Variants in TEX9 observed in about 807,000 individuals in gnomAD.
TEX9 encodes the protein testis expressed 9, also known as testis-expressed protein 9.
TEX9 carries 74 observed loss-of-function variants against 59.6 expected under a neutral mutation model. That is an observed-to-expected ratio of 1.24 (90% CI 1.03 to 1.51). The LOEUF (loss-of-function observed/expected upper bound fraction) is 1.51. Among genes scored for constraint, TEX9 ranks in the 40% most tolerant of loss-of-function variants. The pLI is 0.00. For synonymous variants in TEX9, 186 were observed against 152.2 expected, an observed-to-expected ratio of 1.22 and a Z score of -1.64; for missense variants, 522 against 447.8, an observed-to-expected ratio of 1.17 and a Z score of -1.49.
At chr15:56,366,476 C>T (rs1300642438) in intron 2 of TEX9, among the ~76,000 whole-genome samples, 2 of 152,154 alleles carry the variant, frequency 1.3e-5, no homozygotes, top group African/African-American at 4.8e-5. Context: ...TGTGAGTGGC[C>T]TTCCTTGACC....
At chr15:56,264,708 A>T (rs1223579802) in intron 1 of TEX9, among the ~76,000 whole-genome samples, 1 of 152,216 alleles carries the variant, frequency 6.6e-6, no homozygotes, top group Non-Finnish European at 1.5e-5. Context: ...ATCCTACATT[A>T]TACTGCAGTA....
At chr15:56,337,633 C>G (rs1471587493) in intron 1 of TEX9, among the ~76,000 whole-genome samples, 1 of 152,178 alleles carries the variant, frequency 6.6e-6, no homozygotes, top group East Asian at 1.9e-4. Context: ...TATAGATGAA[C>G]TTCCCTCTTA....
At chr15:56,449,541 A>G (rs2050933592), downstream of TEX9, among the ~76,000 whole-genome samples, 1 of 152,176 alleles carries the variant, frequency 6.6e-6, no homozygotes, top group Admixed American at 6.5e-5. Context: ...TTCATGAGAG[A>G]GATTAGTCTA....
chr15:56,269,021 C>T (rs892791035), intron 1 of TEX9, among the ~76,000 whole-genome samples: 7 of 152,102 alleles, frequency 4.6e-5, no homozygotes, highest in African/African-American at 1.7e-4. Context: ...TTGGTCTATT[C>T]AGAGATTCAG....
chr15:56,460,009 A>AAAAAAAAAATATAT, the TEX9 span, among the ~76,000 whole-genome samples: 46 of 26,358 alleles, frequency 1.7e-3, 5 homozygotes, highest in South Asian at 0.012. Flanking sequence ...AAAAAAAAAA[A>AAAAAAAAAATATAT]ATACATATAT....
At chr15:56,306,002 C>T (rs1356948434) in intron 1 of TEX9, among the ~76,000 whole-genome samples, 2 of 151,886 alleles carry the variant, frequency 1.3e-5, no homozygotes, top group East Asian at 3.9e-4. Context: ...ATACAAATTG[C>T]AAACAGACAT....
chr15:56,358,127 T>G (rs1419131674), intron 1 of TEX9, among the ~76,000 whole-genome samples: 1 of 152,202 alleles, frequency 6.6e-6, no homozygotes, highest in Non-Finnish European at 1.5e-5. Flanking sequence ...CACAGAGGTC[T>G]CAGATTCAGC....
At chr15:56,311,125 CTTTTTTTTTTTTAATTTCTT>C (rs555579838) in intron 1 of TEX9, among the ~76,000 whole-genome samples, 1 of 56,656 alleles carries the variant, frequency 1.8e-5, no homozygotes, top group Non-Finnish European at 3.4e-5. Flanking sequence ...CTCCTTATTT[CTTTTTTTTTTTTAATTTCTT>C]TTTTTTTTTA....
At chr15:56,287,310 A>T (rs573359503) in intron 1 of TEX9, among the ~76,000 whole-genome samples, 1 of 152,278 alleles carries the variant, frequency 6.6e-6, no homozygotes, top group South Asian at 2.1e-4. Context: ...CTAACATCTT[A>T]GCCTGACCTG....
chr15:56,255,634 G>A (rs962122561), intron 1 of TEX9, among the ~76,000 whole-genome samples: 9 of 151,986 alleles, frequency 5.9e-5, no homozygotes, highest in Non-Finnish European at 1.3e-4. Context: ...GATAAAAAAT[G>A]TTCATATTAG....
At chr15:56,346,157 G>C (rs1328970282) in intron 1 of TEX9, among the ~76,000 whole-genome samples, 1 of 152,186 alleles carries the variant, frequency 6.6e-6, no homozygotes, top group African/African-American at 2.4e-5. Context: ...CAGAAAAACA[G>C]ATACAGTGAA....
At chr15:56,289,874 A>G (rs1335087396) in intron 1 of TEX9, among the ~76,000 whole-genome samples, 3 of 152,208 alleles carry the variant, frequency 2.0e-5, no homozygotes, top group Non-Finnish European at 4.4e-5. Context: ...AGATGCTTGT[A>G]AAGCAGCCGA....
chr15:56,272,598 A>G (rs1199744694), intron 1 of TEX9, among the ~76,000 whole-genome samples: 1 of 152,164 alleles, frequency 6.6e-6, no homozygotes, highest in Non-Finnish European at 1.5e-5. Flanking sequence ...GTGTGAACAT[A>G]TGTTTTTCCC....
At chr15:56,378,390 C>A (rs980023922) in intron 3 of TEX9, among the ~76,000 whole-genome samples, 1 of 150,762 alleles carries the variant, frequency 6.6e-6, no homozygotes, top group Non-Finnish European at 1.5e-5. Flanking sequence ...TGGCTTCAGT[C>A]TTGTTACTTA....
chr15:56,273,370 A>T (rs1213578546), intron 1 of TEX9, among the ~76,000 whole-genome samples: 2 of 152,166 alleles, frequency 1.3e-5, no homozygotes, highest in Non-Finnish European at 2.9e-5. Flanking sequence ...TTTACCTTCA[A>T]ATAACATTAT....
intron 2 of TEX9, among the ~76,000 whole-genome samples, chr15:56,367,593 G>T (rs183317979): frequency 1.3e-5 from 2 of 152,256 alleles, no homozygotes; most frequent in East Asian, 3.9e-4. Context: ...ATAATAACTG[G>T]TAGGGCAAGC....
chr15:56,394,918 G>T, intron 9 of TEX9, 84 bp downstream of exon 9: 1 of 1,301,066 alleles, frequency 7.7e-7, no homozygotes, highest in Non-Finnish European at 1.0e-6. Context: ...ATGCCATTTT[G>T]ACAGTTCAGT....
intron 1 of TEX9, among the ~76,000 whole-genome samples, chr15:56,247,806 C>T (rs1317193726): frequency 6.6e-6 from 1 of 152,168 alleles, no homozygotes; most frequent in African/African-American, 2.4e-5. Context: ...TAAAGTTCTA[C>T]CCTGTTCTCC....
chr15:56,422,605 G>A (rs1471856649), intron 10 of TEX9, among the ~76,000 whole-genome samples: 1 of 151,624 alleles, frequency 6.6e-6, no homozygotes, highest in African/African-American at 2.4e-5. Flanking sequence ...TTCTGCTATT[G>A]TCATATGTTT....
Sources: gnomAD v4.1 joint callset for allele counts (sites outside exome capture counted in the v4.1 genomes callset) on GRCh38, gnomAD v4.1.1 for gene constraint, MANE v1.5 for transcripts, NCBI Gene and HGNC (gene_info 2026-07-23, HGNC 2026-07-21) for gene names.